Variants in PHACTR2 observed in about 807,000 individuals in gnomAD.
PHACTR2 encodes the protein chromosome 6 open reading frame 56.
In PHACTR2, 30 loss-of-function variants were observed where a neutral mutation model predicts 76.0. That is an observed-to-expected ratio of 0.39 (90% confidence interval 0.30 to 0.54). The LOEUF is 0.54. PHACTR2 is among the 20% of genes least tolerant of loss of function. The probability of loss-of-function intolerance (pLI) is 0.61; values close to 1 mark genes in which losing one functional copy is unlikely to be tolerated. For synonymous variants in PHACTR2, 292 were observed against 292.5 expected (o/e 1.00, Z 0.02); for missense variants, 696 against 781.1 (o/e 0.89, Z 1.30).
Position 143,678,200 on chromosome 6 carries a change from C to G in PHACTR2, c.37C>G (p.Pro13Ala). The G allele has an allele frequency of 1.3e-6, 2 of 1,536,288 alleles. No individual in the cohort carries two copies. Among genetic ancestry groups the G allele is most frequent in the Non-Finnish European group, 1.8e-6 (2 of 1,140,848 alleles). Reference protein sequence around the residue: ...QTSVSTLSPQPGSVDGLDKAS... With the variant: ...QTSVSTLSPQAGSVDGLDKAS... Reference sequence around the variant, plus strand: ...CTCGGTGTCCACGCTGTCCCCGCAGCCCGGCAGCGGTGAGTCCGGGGCGCA... The same window carrying G: ...CTCGGTGTCCACGCTGTCCCCGCAGGCCGGCAGCGGTGAGTCCGGGGCGCA... Residue 13 changes from proline (P) to alanine (A), a missense_variant, in exon 1 of 13, where the codon CCC becomes GCC. By Grantham distance (27) the Pro-to-Ala change is conservative. This residue lies in a region of PHACTR2 where 460 missense variants were observed against 450.9 expected (regional missense o/e 1.02). Transcript: ENST00000440869. This position sits in a 1 kb window ranked among gnomAD's most constrained non-coding sequence, Gnocchi z 6.2.
intron 6 of PHACTR2, among the ~76,000 whole-genome samples, chr6:143,770,700 T>C (rs1013541621): frequency 1.3e-5 from 2 of 152,096 alleles, no homozygotes; most frequent in African/African-American, 4.8e-5. Context: ...CTGGAAGAAC[T>C]TTTTACCAGA....
intron 11 of PHACTR2, among the ~76,000 whole-genome samples, chr6:143,804,130 G>T (rs1776016976): frequency 6.6e-6 from 1 of 152,174 alleles, no homozygotes; most frequent in African/African-American, 2.4e-5. Context: ...TTTGGGAAGG[G>T]CTCGGCCCAG....
chr6:143,749,228 C>T (rs960699048), intron 3 of PHACTR2, among the ~76,000 whole-genome samples, 163 bp downstream of exon 3: 2 of 152,124 alleles, frequency 1.3e-5, no homozygotes, highest in African/African-American at 4.8e-5. Context: ...TTGTGAGCTG[C>T]AGAGAATCTG....
At chr6:143,567,263 C>T (rs1775376626) in intron 1 of PHACTR2, among the ~76,000 whole-genome samples, 1 of 152,114 alleles carries the variant, frequency 6.6e-6, no homozygotes, top group East Asian at 1.9e-4. Flanking sequence ...AATTTAGATA[C>T]GCAGCAAAAT....
chr6:143,669,132 C>T (rs1381771519), intron 1 of PHACTR2, among the ~76,000 whole-genome samples: 5 of 152,112 alleles, frequency 3.3e-5, no homozygotes, highest in African/African-American at 1.2e-4. Context: ...GTTATTTACC[C>T]AGTAGTCATT....
At chr6:143,622,040 A>G (rs1776163464) in intron 1 of PHACTR2, among the ~76,000 whole-genome samples, 2 of 151,924 alleles carry the variant, frequency 1.3e-5, no homozygotes, top group African/African-American at 4.8e-5. Context: ...TAGTACACAG[A>G]CCCCACTGAG....
chr6:143,700,280 C>T lies in PHACTR2; in HGVS notation c.47-11736C>T, dbSNP rs1204046477. 2.0e-5 allele frequency among the ~76,000 whole-genome samples: 3 copies of T among 152,184 alleles called. No individual in the cohort carries two copies. Among genetic ancestry groups the T allele is most frequent in the South Asian group, 2.1e-4 (1 of 4,824 alleles). On this transcript the variant is annotated intron_variant, in intron 1 of 12. Coordinates refer to ENST00000440869, the MANE Select transcript of PHACTR2 (RefSeq NM_001100164.2). The surrounding 1 kb of genome is among the most constrained non-coding windows in gnomAD (Gnocchi z 4.1). ...TAAAAACTGTGATATTTCAGCCAGG[C>T]GCGGTGGCTCATGCCTGTAAACCAA...
chr6:143,690,904 G>A (rs1238102330), intron 1 of PHACTR2, among the ~76,000 whole-genome samples: 1 of 152,150 alleles, frequency 6.6e-6, no homozygotes, highest in African/African-American at 2.4e-5. Flanking sequence ...ATTTTTCTGT[G>A]TTTTTATTTT....
Position 143,806,957 on chromosome 6 carries a change from T to TA in PHACTR2, c.1846-100_1846-99insA. The TA allele has an allele frequency of 1.6e-6, 1 of 616,802 alleles. No individual in the cohort carries two copies. Among genetic ancestry groups the TA allele is most frequent in the Non-Finnish European group, 2.8e-6 (1 of 355,990 alleles). 38.2% of individuals were successfully genotyped at this position (616,802 alleles called of 1,614,324 possible). On this transcript the variant is annotated intron_variant, in intron 11 of 12. Coordinates refer to ENST00000440869, the MANE Select transcript of PHACTR2 (RefSeq NM_001100164.2). This position sits in a 1 kb window ranked among gnomAD's most constrained non-coding sequence, Gnocchi z 5.8. ...GGATGACAGAGCGAGACTCTATCTC[T>TA]TAAAAAAAAAAAAAAGGTCTGCTTC... is the stretch of plus-strand genomic sequence containing the variant.
intron 2 of PHACTR2, among the ~76,000 whole-genome samples, chr6:143,746,017 G>A (rs1033218565): frequency 6.6e-6 from 1 of 152,200 alleles, no homozygotes; most frequent in Non-Finnish European, 1.5e-5. Context: ...TAAAACTAAA[G>A]AATCCTCCGG....
intron 1 of PHACTR2, among the ~76,000 whole-genome samples, chr6:143,629,920 A>G (rs552221891): frequency 6.6e-6 from 1 of 152,288 alleles, no homozygotes; most frequent in East Asian, 1.9e-4. Context: ...AACATGTGGC[A>G]TCATAGCCTT....
Position 143,755,350 on chromosome 6 carries a change from C to T in PHACTR2, c.454+1438C>T, listed in dbSNP as rs114337050. On this transcript the variant is annotated intron_variant, in intron 4 of 12. Transcript: ENST00000440869. This position sits in a 1 kb window ranked among gnomAD's most constrained non-coding sequence, Gnocchi z 5.2. The stretch of plus-strand genomic sequence containing the variant: ...TCTGTGGTTTGTCCCTGGCAGCCTT[C>T]TCACATCCAAGAATCGCATCCTGCA... 1 of 456,048 alleles carries T rather than the reference C, an allele frequency of 2.2e-6. No homozygotes were observed. The highest frequency in any genetic ancestry group is 2.0e-5 in the African/African-American group (1 of 50,182). The allele number at this position is 456,048 out of a possible 1,614,324, so 28.3% of individuals were successfully genotyped here. A position where few individuals can be genotyped will look rare whatever the true frequency, so the allele number is the denominator to read the frequency against.
rs111484218 is a variant in PHACTR2 at position 143,755,384 on chromosome 6, C to T, written c.454+1472C>T. 481 of 456,036 alleles carry T rather than the reference C, an allele frequency of 1.1e-3. 5 individuals carry two copies. The East Asian group carries it at 0.022, about 21-fold the overall frequency. The allele number at this position is 456,036 out of a possible 1,614,324, so 28.2% of individuals were successfully genotyped here. A position where few individuals can be genotyped will look rare whatever the true frequency, so the allele number is the denominator to read the frequency against. ...AAGAATCGCATCCTGCATTACGTAA[C>T]AGTGCCATCTCTGGTGCCTGGTCCG... On this transcript the variant is annotated intron_variant, in intron 4 of 12. Coordinates refer to ENST00000440869, the MANE Select transcript of PHACTR2 (RefSeq NM_001100164.2). The surrounding 1 kb of genome is among the most constrained non-coding windows in gnomAD (Gnocchi z 5.2).
In PHACTR2 at chr6:143,539,056, T is replaced by A. The variant is rs1781148228; in HGVS notation, c.217+1849T>A. ...ACCTAGTTGGTGATTGTAGACAAAG[T>A]ATAGCTTGCATCGCCATTTTTCATT... On this transcript the variant is annotated intron_variant, in intron 1 of 11. Transcript: ENST00000367584. This position sits in a 1 kb window ranked among gnomAD's most constrained non-coding sequence, Gnocchi z 4.3. Among the ~76,000 whole-genome samples the A allele has an allele frequency of 6.6e-6, 1 of 152,218 alleles. No individual in the cohort carries two copies. The highest frequency in any genetic ancestry group is 1.5e-5 in the Non-Finnish European group (1 of 68,036).
At position 143,698,768 on chromosome 6, in the gene PHACTR2, G is replaced by A. The variant is rs17072918; in HGVS notation, c.47-13248G>A. On this transcript the variant is annotated intron_variant, in intron 1 of 12. Coordinates refer to ENST00000440869, the MANE Select transcript of PHACTR2 (RefSeq NM_001100164.2). This position sits in a 1 kb window ranked among gnomAD's most constrained non-coding sequence, Gnocchi z 4.3. The stretch of plus-strand genomic sequence containing the variant: ...AAGGGCAGAGATCTGATCTGTTTTT[G>A]CTTACCATTGTAGCCCTTCCTCTAT... Among the ~76,000 whole-genome samples, 3,991 of 152,248 alleles carry A rather than the reference G, an allele frequency of 0.026. 66 individuals carry two copies. Among genetic ancestry groups the A allele is most frequent in the South Asian group, 0.056 (268 of 4,824 alleles).
rs944426718 is a variant in PHACTR2 at position 143,688,715 on chromosome 6, G to A, written c.46+10506G>A. On this transcript the variant is annotated intron_variant, in intron 1 of 12. Coordinates refer to ENST00000440869, the MANE Select transcript of PHACTR2 (RefSeq NM_001100164.2). This position sits in a 1 kb window ranked among gnomAD's most constrained non-coding sequence, Gnocchi z 5.2. ...ATATATCTCAAGTCCATGCTCTTCC[G>A]TCTGTCCCTACTGCCACCGTCCAAG... Among the ~76,000 whole-genome samples, 7 of 151,932 alleles carry A rather than the reference G, an allele frequency of 4.6e-5. No homozygotes were observed. The highest frequency in any genetic ancestry group is 1.9e-4 in the East Asian group (1 of 5,170).
intron 1 of PHACTR2, among the ~76,000 whole-genome samples, chr6:143,661,562 CT>C (rs112963559): frequency 0.013 from 1,808 of 139,478 alleles, 23 homozygotes; most frequent in African/African-American, 0.036. Context: ...AATTTTCTTT[CT>C]TTTTTTTTTT....
At position 143,698,250 on chromosome 6, in the gene PHACTR2, A is replaced by G. The variant is rs1056601025; in HGVS notation, c.47-13766A>G. On this transcript the variant is annotated intron_variant, in intron 1 of 12. Coordinates refer to ENST00000440869, the MANE Select transcript of PHACTR2 (RefSeq NM_001100164.2). The surrounding 1 kb of genome is among the most constrained non-coding windows in gnomAD (Gnocchi z 4.3). The stretch of plus-strand genomic sequence containing the variant: ...TCATTCTCTGGAATGCTTGCTTAAC[A>G]CACCTGTCATTTTAAAGAAAGAAAC... Among the ~76,000 whole-genome samples the G allele has an allele frequency of 3.6e-4, 55 of 152,238 alleles. 1 individual carries two copies. Among genetic ancestry groups the G allele is most frequent in the Admixed American group, 3.6e-3 (55 of 15,278 alleles).
At position 143,822,600 on chromosome 6, in the gene PHACTR2, A is replaced by T. The variant is rs186371601; in HGVS notation, c.1923-1074A>T. 1.3e-5 allele frequency among the ~76,000 whole-genome samples: 2 copies of T among 152,212 alleles called. No individual in the cohort carries two copies. The highest frequency in any genetic ancestry group is 4.8e-5 in the African/African-American group (2 of 41,462). On this transcript the variant is annotated intron_variant, in intron 12 of 12. Coordinates refer to ENST00000440869, the MANE Select transcript of PHACTR2 (RefSeq NM_001100164.2). This position sits in a 1 kb window ranked among gnomAD's most constrained non-coding sequence, Gnocchi z 5.5. ...AGCAACAGTGAGGAGCATAGATTTGATGGAGAGAGCCTGGGACAGGGAAAC... is the reference window on the plus strand; with the variant it reads ...AGCAACAGTGAGGAGCATAGATTTGTTGGAGAGAGCCTGGGACAGGGAAAC...
Sources: allele counts gnomAD v4.1 joint callset (sites outside exome capture counted in the v4.1 genomes callset), GRCh38; gene constraint gnomAD v4.1.1; regional missense constraint gnomAD v4.1.1; non-coding constraint Gnocchi (gnomAD v3.1); transcripts MANE v1.5; gene names NCBI Gene and HGNC (gene_info 2026-07-23, HGNC 2026-07-21).